CFAP97: variants seen among roughly 807,000 people sequenced by gnomAD.
CFAP97 encodes cilia- and flagella-associated protein 97.
CFAP97 carries 36 observed loss-of-function variants against 43.1 expected under a neutral mutation model. The ratio of observed to expected loss-of-function variants is 0.84; its 90% CI spans 0.64 to 1.10. The LOEUF (loss-of-function observed/expected upper bound fraction) is 1.10, where lower values mean the gene tolerates loss of function less well. Among genes scored for constraint, CFAP97 ranks in the 50% least tolerant of loss-of-function variants. CFAP97 has a pLI of 0.00. For synonymous variants in CFAP97, 228 were observed against 225.7 expected (o/e 1.01, Z -0.09); for missense variants, 657 against 620.3 (o/e 1.06, Z -0.63).
At chr4:185,199,135 G>A (rs1172874649) in intron 1 of CFAP97, among the ~76,000 whole-genome samples, 1 of 152,142 alleles carries the variant, frequency 6.6e-6, no homozygotes, top group East Asian at 1.9e-4. Flanking sequence ...CACTTTGGGA[G>A]GCTGAGACGG....
Position 185,160,822 on chromosome 4 carries a change from TATATAA to T in CFAP97, c.*1970_*1975del, listed in dbSNP as rs1366304523. The T allele has an allele frequency of 2.0e-5, 3 of 148,242 alleles. No individual in the cohort carries two copies. Among genetic ancestry groups the T allele is most frequent in the Non-Finnish European group, 3.0e-5 (2 of 67,100 alleles). The allele number at this position is 148,242 out of a possible 1,614,324, so 9.2% of individuals were successfully genotyped here. A position where few individuals can be genotyped will look rare whatever the true frequency, so the allele number is the denominator to read the frequency against. On this transcript the variant is annotated 3_prime_UTR_variant, in exon 5 of 5. Coordinates refer to ENST00000458385, the MANE Select transcript of CFAP97 (RefSeq NM_020827.3). ...ATGCCATTATGAACAGAAAAGACTA[TATATAA>T]ATATATAATCTTTATATATATATAA...
In CFAP97 at chr4:185,160,851, T is replaced by C. The variant is rs899395157; in HGVS notation, c.*1947A>G. The C allele has an allele frequency of 1.4e-5, 2 of 147,156 alleles. No individual in the cohort carries two copies. The highest frequency in any genetic ancestry group is 3.0e-5 in the Non-Finnish European group (2 of 66,654). The allele number at this position is 147,156 out of a possible 1,614,324, so 9.1% of individuals were successfully genotyped here. A position where few individuals can be genotyped will look rare whatever the true frequency, so the allele number is the denominator to read the frequency against. ...TAAATATATAATCTTTATATATATA[T>C]AAAAATCTTTTTTAAAAGATTTTTA... On this transcript the variant is annotated 3_prime_UTR_variant, in exon 5 of 5. Coordinates refer to ENST00000458385, the MANE Select transcript of CFAP97 (RefSeq NM_020827.3).
intron 1 of CFAP97, among the ~76,000 whole-genome samples, chr4:185,202,407 G>C (rs1194941982): frequency 6.6e-6 from 1 of 152,088 alleles, no homozygotes; most frequent in Non-Finnish European, 1.5e-5. Context: ...AAATTAGCCG[G>C]GCGTTGTAGC....
At chr4:185,189,492 T>G (rs1251209829) in intron 2 of CFAP97, among the ~76,000 whole-genome samples, 1 of 152,180 alleles carries the variant, frequency 6.6e-6, no homozygotes, top group Non-Finnish European at 1.5e-5. Flanking sequence ...AAAGATAAAC[T>G]TTGAAGTTGC....
intron 2 of CFAP97, among the ~76,000 whole-genome samples, chr4:185,180,765 C>CT (rs1024658650): frequency 5.3e-5 from 8 of 151,938 alleles, no homozygotes; most frequent in African/African-American, 1.9e-4. Flanking sequence ...GGGAGATTGA[C>CT]TAAGTTAAAA....
chr4:185,171,940 T>G (rs1255843045), intron 3 of CFAP97, among the ~76,000 whole-genome samples: 2 of 152,194 alleles, frequency 1.3e-5, no homozygotes, highest in Non-Finnish European at 2.9e-5. Flanking sequence ...CTCACCATGT[T>G]GCTTGCCCAT....
intron 2 of CFAP97, among the ~76,000 whole-genome samples, chr4:185,188,426 T>C (rs1736096617): frequency 6.6e-6 from 1 of 151,800 alleles, no homozygotes. Flanking sequence ...CACTGCAAAC[T>C]CCGCCTCCCA....
At position 185,179,389 on chromosome 4, in the gene CFAP97, C is replaced by A. The variant is rs187679769; in HGVS notation, c.1055-3338G>T. 7.2e-5 allele frequency among the ~76,000 whole-genome samples: 11 copies of A among 152,130 alleles called. No homozygotes were observed. The East Asian group carries it at 2.1e-3, about 29-fold the overall frequency. Reference sequence around the variant, plus strand: ...AGAAGTAGAGGTTTATGCCCTTTTGCGTTAAATCTGGGAGGGTTTATGACC... The same window carrying A: ...AGAAGTAGAGGTTTATGCCCTTTTGAGTTAAATCTGGGAGGGTTTATGACC... On this transcript the variant is annotated intron_variant, in intron 2 of 4. Transcript: ENST00000458385.
At position 185,162,895 on chromosome 4, in the gene CFAP97, C is replaced by A; in HGVS notation, c.1502G>T (p.Gly501Val). ...RASRTSSATSGLSCRSERSAV... is the reference protein window; with the variant it reads ...RASRTSSATSVLSCRSERSAV... Reference sequence around the variant, plus strand: ...TGATCGCTCACTCCTACAACTGAGACCACTCGTAGCACTGGATGTCCTGGA... The same window carrying A: ...TGATCGCTCACTCCTACAACTGAGAACACTCGTAGCACTGGATGTCCTGGA... Residue 501 changes from glycine (G) to valine (V), a missense_variant, in exon 5 of 5, where the codon GGT becomes GTT. Coordinates refer to ENST00000458385, the MANE Select transcript of CFAP97 (RefSeq NM_020827.3). The A allele has an allele frequency of 1.9e-6, 3 of 1,600,830 alleles. No individual in the cohort carries two copies.
intron 2 of CFAP97, among the ~76,000 whole-genome samples, chr4:185,187,837 C>T (rs565552796): frequency 2.1e-4 from 32 of 151,940 alleles, no homozygotes; most frequent in African/African-American, 7.2e-4. Context: ...TAATGCACTG[C>T]CTGGGATGAG....
At chr4:185,210,248 C>T, upstream of CFAP97, 2 of 984,992 alleles carry the variant, frequency 2.0e-6, no homozygotes, top group Non-Finnish European at 2.4e-6. This position sits in a 1 kb window ranked among gnomAD's most constrained non-coding sequence, Gnocchi z 4.4. Context: ...GCCCGCCGCC[C>T]GCCGGGGGTA....
intron 3 of CFAP97, among the ~76,000 whole-genome samples, chr4:185,175,383 C>T (rs997924241): frequency 2.6e-5 from 4 of 152,122 alleles, no homozygotes; most frequent in Non-Finnish European, 5.9e-5. Flanking sequence ...CCTCCCACCT[C>T]AGCTTTCCAA....
chr4:185,183,409 G>T (rs1204697859), intron 2 of CFAP97, among the ~76,000 whole-genome samples: 1 of 152,162 alleles, frequency 6.6e-6, no homozygotes, highest in East Asian at 1.9e-4. Flanking sequence ...AGTAGAAAAG[G>T]CAGTGAAGAA....
chr4:185,166,226 T>G (rs1256875683), intron 3 of CFAP97, among the ~76,000 whole-genome samples: 1 of 152,224 alleles, frequency 6.6e-6, no homozygotes, highest in African/African-American at 2.4e-5. Flanking sequence ...TCATATCCTC[T>G]TTCTTGCATT....
At chr4:185,202,616 C>T (rs1736921695) in intron 1 of CFAP97, among the ~76,000 whole-genome samples, 1 of 152,030 alleles carries the variant, frequency 6.6e-6, no homozygotes, top group East Asian at 1.9e-4. Context: ...CTGCCATCTT[C>T]CCCCACCCCT....
intron 3 of CFAP97, chr4:185,170,229 C>A: frequency 3.1e-6 from 2 of 636,092 alleles, no homozygotes; most frequent in South Asian, 3.6e-5. Context: ...GCCTGTAGTT[C>A]CAGTTACTTG....
chr4:185,173,346 G>A (rs927439763), intron 3 of CFAP97, among the ~76,000 whole-genome samples: 3 of 139,482 alleles, frequency 2.2e-5, no homozygotes, highest in African/African-American at 7.9e-5. Context: ...CTGGTGACGA[G>A]CCAGACTCCG....
chr4:185,184,812 C>A (rs983071456), intron 2 of CFAP97, among the ~76,000 whole-genome samples: 16 of 152,158 alleles, frequency 1.1e-4, no homozygotes, highest in African/African-American at 3.6e-4. Flanking sequence ...AAAAACTTGA[C>A]AATTCTAAGA....
chr4:185,198,082 G>T (rs949663755), intron 1 of CFAP97, among the ~76,000 whole-genome samples: 2 of 152,166 alleles, frequency 1.3e-5, no homozygotes, highest in Non-Finnish European at 2.9e-5. Flanking sequence ...TTCTATGAAG[G>T]CCGAGAGAGG....
Sources: gnomAD v4.1 joint callset for allele counts (sites outside exome capture counted in the v4.1 genomes callset) on GRCh38, gnomAD v4.1.1 for gene constraint, Gnocchi (gnomAD v3.1) non-coding constraint, MANE v1.5 for transcripts, NCBI Gene and HGNC (gene_info 2026-07-23, HGNC 2026-07-21) for gene names.